The following MRGPRX2 variants were observed in gnomAD, a reference collection of about 807,000 sequenced individuals.
MRGPRX2 encodes mas-related G protein-coupled receptor member X2.
For synonymous variants in MRGPRX2, 183 were observed against 175.6 expected (o/e 1.04, Z -0.33); for missense variants, 389 against 404.5 (o/e 0.96, Z 0.33).
At chr11:19,056,958 G>A (rs968612972) in intron 1 of MRGPRX2, among the ~76,000 whole-genome samples, 1 of 152,180 alleles carries the variant, frequency 6.6e-6, no homozygotes, top group African/African-American at 2.4e-5. Flanking sequence ...GGACAGCCAG[G>A]CCTGTCAGAC....
At position 19,055,719 on chromosome 11, in the gene MRGPRX2, T is replaced by A. The variant is rs1230376791; in HGVS notation, c.684A>T (p.Thr228=). The A allele has an allele frequency of 1.9e-6, 3 of 1,614,078 alleles. No homozygotes were observed. Among genetic ancestry groups the A allele is most frequent in the Non-Finnish European group, 2.5e-6 (3 of 1,180,012 alleles). The part of the protein sequence containing the change: ...LTRLYLTILL[T]VLVFLLCGLP... ...GGCCGCAGAGGAGGAACACCAGCAC[T>A]GTGAGCAGGATGGTCAGGTACAGCC... Residue 228 remains threonine, a synonymous_variant, in exon 2 of 2, where the codon ACA becomes ACT. Transcript: ENST00000329773.
chr11:19,057,256 G>C (rs1849628075), intron 1 of MRGPRX2, among the ~76,000 whole-genome samples: 1 of 152,200 alleles, frequency 6.6e-6, no homozygotes, highest in African/African-American at 2.4e-5. Flanking sequence ...TTCTGGGAAA[G>C]CTCTGGTGTA....
Position 19,056,239 on chromosome 11 carries a change from A to T in MRGPRX2, c.164T>A (p.Leu55Gln), listed in dbSNP as rs144306419. ...LVGNGFVLWL[L>Q]GFRMRRNAFS... Reference sequence around the variant, plus strand: ...GGCGTTCCTGCGCATGCGGAAGCCCAGGAGCCAGAGCACAAACCCGTTTCC... The same window carrying T: ...GGCGTTCCTGCGCATGCGGAAGCCCTGGAGCCAGAGCACAAACCCGTTTCC... The change falls in exon 2 of 2, where the codon CTG becomes CAG. Residue 55 changes from leucine to glutamine, a missense_variant. Coordinates refer to ENST00000329773, the MANE Select transcript of MRGPRX2 (RefSeq NM_054030.4). 4 of 1,614,054 alleles carry T rather than the reference A, an allele frequency of 2.5e-6. No individual in the cohort carries two copies. The Admixed American group carries it at 6.7e-5, about 27-fold the overall frequency.
intron 1 of MRGPRX2, 108 bp from the exon 2 acceptor site, chr11:19,056,535 G>A (rs1849622594): frequency 9.0e-7 from 1 of 1,110,090 alleles, no homozygotes. Flanking sequence ...GGAAATCAGA[G>A]GCTTGAAGAG....
intron 1 of MRGPRX2, among the ~76,000 whole-genome samples, chr11:19,060,190 C>T (rs1280222595): frequency 2.0e-5 from 3 of 152,222 alleles, no homozygotes; most frequent in East Asian, 1.9e-4. Flanking sequence ...AGTCTCTTCA[C>T]TAAACTCCTC....
rs138209520 is a variant in MRGPRX2 at position 19,059,814 on chromosome 11, C to G, written c.-26+805G>C. Among the ~76,000 whole-genome samples the G allele has an allele frequency of 2.1e-3, 318 of 152,304 alleles. 3 individuals carry two copies. Among genetic ancestry groups the G allele is most frequent in the African/African-American group, 7.3e-3 (304 of 41,564 alleles). On this transcript the variant is annotated intron_variant, in intron 1 of 1. Transcript: ENST00000329773. ...CCTCGTCAATGGGCTGTCTTTCACT[C>G]AGGCTCCAAAGGGTACACATTGACA...
chr11:19,056,326 C>T lies in MRGPRX2; in HGVS notation c.77G>A (p.Cys26Tyr). 6.2e-7 allele frequency: 1 copy of T among 1,614,184 alleles called. No homozygotes were observed. The highest frequency in any genetic ancestry group is 8.5e-7 in the Non-Finnish European group (1 of 1,180,018). ...NGNDQALLLL[C>Y]GKETLIPVFL... ...GACCGGGATCAGGGTCTCCTTGCCA[C>T]AAAGCAGAAGAAGGGCTTGGTCATT... The change falls in exon 2 of 2, where the codon TGT becomes TAT. Residue 26 changes from cysteine to tyrosine, a missense_variant. Coordinates refer to ENST00000329773, the MANE Select transcript of MRGPRX2 (RefSeq NM_054030.4).
chr11:19,058,661 T>A (rs536214636), intron 1 of MRGPRX2, among the ~76,000 whole-genome samples: 1 of 152,016 alleles, frequency 6.6e-6, no homozygotes, highest in African/African-American at 2.4e-5. Context: ...CTTCTGACCT[T>A]GTGATCTGCC....
chr11:19,057,917 G>C (rs1342488299), intron 1 of MRGPRX2, among the ~76,000 whole-genome samples: 1 of 152,212 alleles, frequency 6.6e-6, no homozygotes, highest in Non-Finnish European at 1.5e-5. Context: ...GTCTGTGTCA[G>C]AGGGCTTGTT....
Position 19,056,225 on chromosome 11 carries a change from G to A in MRGPRX2, c.178C>T (p.Arg60Cys), listed in dbSNP as rs771488909. The A allele has an allele frequency of 3.8e-5, 61 of 1,614,006 alleles. No homozygotes were observed. The highest frequency in any genetic ancestry group is 4.9e-5 in the Non-Finnish European group (58 of 1,179,968). Residue 60 changes from arginine to cysteine, a missense_variant, in exon 2 of 2, where the codon CGC (arginine) becomes TGC (cysteine). Transcript: ENST00000329773. ...FVLWLLGFRM[R>C]RNAFSVYVLS... ...ACGTAGACAGAGAAGGCGTTCCTGC[G>A]CATGCGGAAGCCCAGGAGCCAGAGC... is the stretch of plus-strand genomic sequence containing the variant.
rs760596682 is a variant in MRGPRX2, at chr11:19,055,828, A to G, written c.575T>C (p.Ile192Thr). The G allele has an allele frequency of 2.2e-5, 36 of 1,614,064 alleles. No individual in the cohort carries two copies. In the East Asian group the frequency reaches 7.6e-4, roughly 34 times the overall value. ...CCCACAGAGAACCATGAATAAAAAA[A>G]TCAGCCACGCTGCAGTGATGAAATC... ...TFDFITAAWL[I>T]FLFMVLCGSS... is the part of the protein sequence containing the mutation. The change falls in exon 2 of 2, where the codon ATT becomes ACT. Residue 192 changes from isoleucine (I) to threonine (T), a missense_variant. By Grantham distance (89) the Ile-to-Thr change is moderately conservative. Coordinates refer to ENST00000329773, the MANE Select transcript of MRGPRX2 (RefSeq NM_054030.4).
rs775014212 is a variant in MRGPRX2, at chr11:19,056,202, G to A, written c.201C>T (p.Tyr67=). The A allele has an allele frequency of 4.3e-6, 7 of 1,614,048 alleles. No homozygotes were observed. In the African/African-American group the frequency reaches 5.3e-5, roughly 12 times the overall value. ...AGTCGGCCCCGGCCAGGCTGAGGAC[G>A]TAGACAGAGAAGGCGTTCCTGCGCA... ...FRMRRNAFSV[Y]VLSLAGADFL... The change falls in exon 2 of 2, where the codon TAC becomes TAT. Residue 67 remains tyrosine (Y), a synonymous_variant. Transcript: ENST00000329773.
chr11:19,055,661 A>G lies in MRGPRX2; in HGVS notation c.742T>C (p.Trp248Arg), dbSNP rs1849607766. 4.3e-6 allele frequency: 7 copies of G among 1,614,120 alleles called. No individual in the cohort carries two copies. The highest frequency in any genetic ancestry group is 1.3e-5 in the African/African-American group (1 of 74,938). Residue 248 changes from tryptophan (W) to arginine (R), a missense_variant, in exon 2 of 2, where the codon TGG (tryptophan) becomes CGG (arginine). Coordinates refer to ENST00000329773, the MANE Select transcript of MRGPRX2 (RefSeq NM_054030.4). ...AAGACATCAGAATCCTTCCAGATCC[A>G]TAATATTAGGAACCACTGAATGCCA... ...PFGIQWFLILWIWKDSDVLFC... is the reference protein window; with the variant it reads ...PFGIQWFLILRIWKDSDVLFC...
chr11:19,058,507 G>A (rs1230698356), intron 1 of MRGPRX2, among the ~76,000 whole-genome samples: 15 of 150,446 alleles, frequency 1.0e-4, no homozygotes, highest in Admixed American at 2.7e-4. Flanking sequence ...TGCAAGCTCC[G>A]CCTCCTGGGC....
chr11:19,058,696 G>A (rs1406054905), intron 1 of MRGPRX2, among the ~76,000 whole-genome samples: 1 of 152,072 alleles, frequency 6.6e-6, no homozygotes, highest in African/African-American at 2.4e-5. Context: ...AAAGTGCCAG[G>A]ATTACAGGCG....
chr11:19,054,588 G>C lies in MRGPRX2; in HGVS notation c.*822C>G, dbSNP rs1441082297. The C allele has an allele frequency of 6.6e-6, 1 of 152,140 alleles. No individual in the cohort carries two copies. Among genetic ancestry groups the C allele is most frequent in the African/African-American group, 2.4e-5 (1 of 41,412 alleles). 9.4% of individuals were successfully genotyped at this position (152,140 alleles called of 1,614,324 possible). Reference sequence around the variant, plus strand: ...ATACAGCCTGTCCTCCAAGAACATGGAGTCTATAAGACCACTGGAAACTTC... The same window carrying C: ...ATACAGCCTGTCCTCCAAGAACATGCAGTCTATAAGACCACTGGAAACTTC... On this transcript the variant is annotated 3_prime_UTR_variant, in exon 2 of 2. Coordinates refer to ENST00000329773, the MANE Select transcript of MRGPRX2 (RefSeq NM_054030.4).
chr11:19,056,397 A>T lies in MRGPRX2; in HGVS notation c.6T>A (p.Asp2Glu). 1.2e-6 allele frequency: 2 copies of T among 1,606,936 alleles called. No homozygotes were observed. Among genetic ancestry groups the T allele is most frequent in the Non-Finnish European group, 1.7e-6 (2 of 1,174,496 alleles). MDPTTPAWGTES... is the reference protein window; with the variant it reads MEPTTPAWGTES... ...CTGTTCCCCAGGCCGGGGTGGTTGG[A>T]TCCATGCTCAGAAAACCTCCACTGG... Residue 2 changes from aspartate (D) to glutamate (E), a missense_variant, in exon 2 of 2, where the codon GAT (aspartate) becomes GAA (glutamate). Coordinates refer to ENST00000329773, the MANE Select transcript of MRGPRX2 (RefSeq NM_054030.4).
Position 19,055,884 on chromosome 11 carries a change from A to G in MRGPRX2, c.519T>C (p.Ser173=). Residue 173 remains serine, a synonymous_variant, in exon 2 of 2, where the codon AGT becomes AGC. Transcript: ENST00000329773. ...TCTGACACCAACCAGAGTCACCATC[A>G]CTAAATAAGAAGCCACAGAACTTCC... ...LEGKFCGFLF[S]DGDSGWCQTF... The G allele has an allele frequency of 6.2e-7, 1 of 1,614,192 alleles. No individual in the cohort carries two copies. Among genetic ancestry groups the G allele is most frequent in the Non-Finnish European group, 8.5e-7 (1 of 1,180,042 alleles).
rs367889401 is a variant in MRGPRX2, at chr11:19,056,113, A to T, written c.290T>A (p.Ile97Asn). 9.3e-6 allele frequency: 15 copies of T among 1,614,130 alleles called. No individual in the cohort carries two copies. In the African/African-American group the frequency reaches 1.5e-4, roughly 16 times the overall value. Residue 97 changes from isoleucine to asparagine, a missense_variant, in exon 2 of 2, where the codon ATC becomes AAC. Physicochemically the swap from Ile to Asn is moderately radical, Grantham distance 149 (BLOSUM62 -3). Transcript: ENST00000329773. ...GAAGAAGCTAGGGAAATTGATGGAG[A>T]TGGAACAGAAGAAGTTACTGAGGTA... The part of the protein sequence containing the change: ...LVYLSNFFCS[I>N]SINFPSFFTT...
Sources: allele counts gnomAD v4.1 joint callset (sites outside exome capture counted in the v4.1 genomes callset), GRCh38; gene constraint gnomAD v4.1.1; transcripts MANE v1.5; gene names NCBI Gene and HGNC (gene_info 2026-07-23, HGNC 2026-07-21).